The following TAFA1 variants were observed in gnomAD, a reference collection of about 807,000 sequenced individuals.
The protein encoded by TAFA1 is chemokine-like protein TAFA-1.
Under a neutral mutation model 18.5 loss-of-function variants are expected in TAFA1, and 4 were observed. The ratio of observed to expected loss-of-function variants is 0.22; its 90% CI spans 0.11 to 0.49. TAFA1 has a LOEUF of 0.49. TAFA1 is among the 20% of genes least tolerant of loss of function. The probability of loss-of-function intolerance (pLI) is 0.98; values close to 1 mark genes in which losing one functional copy is unlikely to be tolerated. For missense variants in TAFA1, 147 were observed against 169.0 expected (o/e 0.87, Z 0.72); for synonymous variants, 56 against 55.2 (o/e 1.01, Z -0.06).
chr3:68,376,873 C>T (rs2069829438), intron 2 of TAFA1, among the ~76,000 whole-genome samples: 1 of 152,046 alleles, frequency 6.6e-6, no homozygotes, highest in African/African-American at 2.4e-5. Flanking sequence ...GAGGTTTTCC[C>T]CCATGCTATT....
intron 2 of TAFA1, among the ~76,000 whole-genome samples, chr3:68,197,463 G>T (rs1024016357): frequency 9.2e-5 from 14 of 151,564 alleles, no homozygotes; most frequent in African/African-American, 2.9e-4. Flanking sequence ...ATGGGGTTCG[G>T]GAAATGCAAT....
At chr3:68,457,703 A>T (rs1466948728) in intron 3 of TAFA1, among the ~76,000 whole-genome samples, 1 of 152,208 alleles carries the variant, frequency 6.6e-6, no homozygotes, top group Non-Finnish European at 1.5e-5. Flanking sequence ...ATACATTGTC[A>T]TTAACTATAA....
intron 3 of TAFA1, among the ~76,000 whole-genome samples, chr3:68,463,122 G>A (rs1172101947): frequency 6.6e-6 from 1 of 152,106 alleles, no homozygotes; most frequent in Non-Finnish European, 1.5e-5. Context: ...AGCTGAAAGG[G>A]CATCATAGAG....
intron 2 of TAFA1, among the ~76,000 whole-genome samples, chr3:68,261,304 G>T (rs1275874014): frequency 8.5e-5 from 13 of 152,208 alleles, no homozygotes; most frequent in South Asian, 6.2e-4. Context: ...GGAACACTTT[G>T]ACACTGTTGG....
intron 2 of TAFA1, among the ~76,000 whole-genome samples, chr3:68,389,531 T>C (rs1017692010): frequency 5.3e-5 from 8 of 152,168 alleles, no homozygotes; most frequent in African/African-American, 1.7e-4. Flanking sequence ...ACTGCCAAAT[T>C]ATATTCTTTT....
chr3:68,534,378 T>C (rs926382451), intron 3 of TAFA1, among the ~76,000 whole-genome samples: 1 of 152,230 alleles, frequency 6.6e-6, no homozygotes, highest in African/African-American at 2.4e-5. Context: ...TCGATAATCT[T>C]GGCTTTCTTT....
chr3:68,190,005 A>G (rs936223053), intron 2 of TAFA1, among the ~76,000 whole-genome samples: 1 of 152,030 alleles, frequency 6.6e-6, no homozygotes, highest in Admixed American at 6.6e-5. Context: ...CCTCATAGAT[A>G]TTTATATCAA....
At position 68,098,301 on chromosome 3, in the gene TAFA1, G is replaced by A. The variant is rs73108799; in HGVS notation, c.118+91557G>A. Among the ~76,000 whole-genome samples, 1,487 of 152,094 alleles carry A rather than the reference G, an allele frequency of 9.8e-3. 15 individuals are homozygous for A. Among genetic ancestry groups the A allele is most frequent in the Non-Finnish European group, 0.017 (1,165 of 68,002 alleles). On this transcript the variant is annotated intron_variant, in intron 2 of 4. Coordinates refer to ENST00000478136, the MANE Select transcript of TAFA1 (RefSeq NM_213609.4). ...TGTTACATGCATCTAAATGACTGGT[G>A]TCTTCTTAAGAAGAGCAGAATTTTC...
chr3:68,439,992 G>C (rs1467700966), intron 3 of TAFA1, among the ~76,000 whole-genome samples: 1 of 152,060 alleles, frequency 6.6e-6, no homozygotes, highest in Non-Finnish European at 1.5e-5. Context: ...ATTACATAAA[G>C]TTAACAACAC....
rs1380259401 is a variant in TAFA1 at position 68,526,715 on chromosome 3, C to T, written c.260-12041C>T. Among the ~76,000 whole-genome samples, 5 of 152,046 alleles carry T rather than the reference C, an allele frequency of 3.3e-5. No homozygotes were observed. In the East Asian group the frequency reaches 9.7e-4, roughly 29 times the overall value. On this transcript the variant is annotated intron_variant, in intron 3 of 4. Coordinates refer to ENST00000478136, the MANE Select transcript of TAFA1 (RefSeq NM_213609.4). Reference sequence around the variant, plus strand: ...GAAATGTTTGTATATAAACTCATTCCTTCAAAGAGCCATTTCTAAAGTTTA... The same window carrying T: ...GAAATGTTTGTATATAAACTCATTCTTTCAAAGAGCCATTTCTAAAGTTTA...
chr3:68,072,230 T>C (rs1488148085), intron 2 of TAFA1, among the ~76,000 whole-genome samples: 1 of 152,120 alleles, frequency 6.6e-6, no homozygotes, highest in Non-Finnish European at 1.5e-5. Flanking sequence ...GATGTGGCAA[T>C]GGCAGGTGGC....
At chr3:68,316,576 T>C (rs950379320) in intron 2 of TAFA1, among the ~76,000 whole-genome samples, 3 of 152,156 alleles carry the variant, frequency 2.0e-5, no homozygotes, top group Admixed American at 6.5e-5. Flanking sequence ...AAGTAATGGG[T>C]CCAGAAAACA....
upstream of TAFA1, among the ~76,000 whole-genome samples, chr3:68,001,593 G>A (rs916338032): frequency 2.3e-5 from 3 of 131,384 alleles, no homozygotes; most frequent in African/African-American, 8.8e-5. Context: ...TTTTTTTTTT[G>A]GTTGCTGCTT....
chr3:68,246,052 A>C (rs1312494004), intron 2 of TAFA1, among the ~76,000 whole-genome samples: 1 of 152,148 alleles, frequency 6.6e-6, no homozygotes, highest in African/African-American at 2.4e-5. Context: ...TTCAGAGTCA[A>C]CGACGATGTC....
At position 68,207,131 on chromosome 3, in the gene TAFA1, T is replaced by C. The variant is rs201840281; in HGVS notation, c.118+200387T>C. 2.6e-4 allele frequency among the ~76,000 whole-genome samples: 40 copies of C among 152,050 alleles called. No individual in the cohort carries two copies. In the East Asian group the frequency reaches 7.0e-3, roughly 27 times the overall value. On this transcript the variant is annotated intron_variant, in intron 2 of 4. Coordinates refer to ENST00000478136, the MANE Select transcript of TAFA1 (RefSeq NM_213609.4). ...TATCAAATTGAATGATGAATAGTTTTTAGAAAGCAGTATTTTTCAGCCCTA... is the reference window on the plus strand; with the variant it reads ...TATCAAATTGAATGATGAATAGTTTCTAGAAAGCAGTATTTTTCAGCCCTA...
At chr3:68,091,146 T>C (rs1269370225) in intron 2 of TAFA1, among the ~76,000 whole-genome samples, 2 of 152,120 alleles carry the variant, frequency 1.3e-5, no homozygotes, top group South Asian at 4.1e-4. Flanking sequence ...ACAATATAAG[T>C]TAGTATTTCC....
intron 2 of TAFA1, among the ~76,000 whole-genome samples, chr3:68,122,128 C>G (rs1054384333): frequency 7.2e-5 from 11 of 152,092 alleles, no homozygotes; most frequent in Non-Finnish European, 1.2e-4. Flanking sequence ...CTCATTCTGT[C>G]TAACTCAAGA....
chr3:68,445,356 C>T (rs908500263), intron 3 of TAFA1, among the ~76,000 whole-genome samples: 7 of 152,074 alleles, frequency 4.6e-5, no homozygotes, highest in East Asian at 3.9e-4. Context: ...AGTGGTAGGA[C>T]GTGCACTTTT....
At chr3:68,404,924 G>C (rs2070568143) in intron 2 of TAFA1, among the ~76,000 whole-genome samples, 2 of 151,806 alleles carry the variant, frequency 1.3e-5, no homozygotes, top group Admixed American at 1.3e-4. Flanking sequence ...CTTCTTCCTT[G>C]AGTATCTCAG....
Sources: gnomAD v4.1 joint callset for allele counts (sites outside exome capture counted in the v4.1 genomes callset) on GRCh38, gnomAD v4.1.1 for gene constraint, MANE v1.5 for transcripts, NCBI Gene and HGNC (gene_info 2026-07-23, HGNC 2026-07-21) for gene names.